IMMP2L: variants seen among roughly 807,000 people sequenced by gnomAD.
IMMP2L encodes the protein inner mitochondrial membrane peptidase subunit 2, also known as mitochondrial inner membrane protease subunit 2.
A neutral mutation model predicts 19.3 loss-of-function variants in IMMP2L; 18 were observed. The observed-to-expected ratio is 0.93, with a 90% CI of 0.64 to 1.38. The LOEUF (loss-of-function observed/expected upper bound fraction) is 1.38. Ranked by LOEUF, IMMP2L falls within the 40% of genes most tolerant of loss-of-function variation. IMMP2L has a pLI of 0.00. For synonymous variants in IMMP2L, 76 were observed against 73.0 expected (o/e 1.04, Z -0.21); for missense variants, 233 against 218.2 (o/e 1.07, Z -0.43).
intron 3 of IMMP2L, among the ~76,000 whole-genome samples, chr7:111,482,344 T>A (rs957482120): frequency 2.0e-5 from 3 of 152,138 alleles, no homozygotes; most frequent in South Asian, 2.1e-4. Context: ...AGCACAATGC[T>A]TACTTACAGG....
intron 3 of IMMP2L, among the ~76,000 whole-genome samples, chr7:111,100,949 A>G (rs1442659947): frequency 6.6e-6 from 1 of 151,578 alleles, no homozygotes; most frequent in Non-Finnish European, 1.5e-5. Flanking sequence ...ACTTTTAAAT[A>G]TCTTTCTATA....
intron 5 of IMMP2L, among the ~76,000 whole-genome samples, chr7:110,794,808 T>A (rs191870101): frequency 9.9e-5 from 15 of 152,182 alleles, no homozygotes; most frequent in African/African-American, 3.6e-4. Flanking sequence ...AACCCCTTCA[T>A]TAAATATAAA....
intron 2 of IMMP2L, among the ~76,000 whole-genome samples, chr7:111,498,789 T>C (rs995057481): frequency 4.0e-5 from 6 of 151,650 alleles, no homozygotes; most frequent in Admixed American, 3.9e-4. Flanking sequence ...AGGAAAAAAA[T>C]AAAAAAGAAC....
At chr7:111,086,672 G>A (rs1218895827) in intron 3 of IMMP2L, among the ~76,000 whole-genome samples, 1 of 152,150 alleles carries the variant, frequency 6.6e-6, no homozygotes, top group Non-Finnish European at 1.5e-5. Context: ...AGACCACAAA[G>A]GACAAAGTCA....
chr7:110,880,919 T>C (rs1482159835), intron 5 of IMMP2L, among the ~76,000 whole-genome samples: 2 of 152,238 alleles, frequency 1.3e-5, no homozygotes, highest in Non-Finnish European at 2.9e-5. Context: ...TGGAAAATGA[T>C]TTCTACACTA....
At chr7:110,826,049 A>G (rs1803461359) in intron 5 of IMMP2L, among the ~76,000 whole-genome samples, 1 of 152,232 alleles carries the variant, frequency 6.6e-6, no homozygotes, top group South Asian at 2.1e-4. Flanking sequence ...ACACTTCTCA[A>G]AAGAAGACAT....
chr7:111,487,266 C>T lies in IMMP2L; in HGVS notation c.211G>A (p.Val71Ile). Residue 71 changes from valine to isoleucine, a missense_variant, in exon 3 of 6, where the codon GTA (valine) becomes ATA (isoleucine). Physicochemically the swap from Val to Ile is conservative, Grantham distance 29. Coordinates refer to ENST00000405709, the MANE Select transcript of IMMP2L (RefSeq NM_032549.4). ...AATGATACAATGTCACCACGGTGTA[C>T]TTCAAAATTCCTCACTTTCCAGTGG... ...LNHWKVRNFE[V>I]HRGDIVSLVS... is the part of the protein sequence containing the mutation. 6.3e-7 allele frequency: 1 copy of T among 1,598,486 alleles called. No homozygotes were observed. The highest frequency in any genetic ancestry group is 8.6e-7 in the Non-Finnish European group (1 of 1,166,052).
chr7:111,223,394 T>C (rs1449904613), intron 3 of IMMP2L, among the ~76,000 whole-genome samples: 1 of 152,056 alleles, frequency 6.6e-6, no homozygotes, highest in East Asian at 1.9e-4. Flanking sequence ...TCTAACAAAT[T>C]AAGAAAAATT....
chr7:111,268,396 G>C (rs75674013), intron 3 of IMMP2L, among the ~76,000 whole-genome samples: 1 of 150,460 alleles, frequency 6.6e-6, no homozygotes, highest in Non-Finnish European at 1.5e-5. Context: ...CCAGGAACAG[G>C]CTTCAGCTAT....
chr7:111,314,706 T>A (rs1243370018), intron 3 of IMMP2L, among the ~76,000 whole-genome samples: 1 of 152,144 alleles, frequency 6.6e-6, no homozygotes, highest in Non-Finnish European at 1.5e-5. Flanking sequence ...TTCTAATCAA[T>A]CTATCAGTTA....
At chr7:110,901,052 C>A (rs1203062647) in intron 4 of IMMP2L, among the ~76,000 whole-genome samples, 1 of 151,920 alleles carries the variant, frequency 6.6e-6, no homozygotes, top group Non-Finnish European at 1.5e-5. Context: ...TATTTTCTAA[C>A]CTAATTTATG....
intron 3 of IMMP2L, among the ~76,000 whole-genome samples, chr7:111,414,433 G>C (rs1416445856): frequency 1.3e-5 from 2 of 151,872 alleles, no homozygotes; most frequent in African/African-American, 4.9e-5. Context: ...GCTACATATT[G>C]TATGATCCCA....
At chr7:111,328,863 T>C (rs538394062) in intron 3 of IMMP2L, among the ~76,000 whole-genome samples, 6 of 151,778 alleles carry the variant, frequency 4.0e-5, no homozygotes, top group Non-Finnish European at 8.8e-5. Flanking sequence ...CAGTCAATGA[T>C]GCACCACACT....
intron 3 of IMMP2L, among the ~76,000 whole-genome samples, chr7:111,065,336 T>C (rs2129574827): frequency 6.6e-6 from 1 of 152,342 alleles, no homozygotes; most frequent in Non-Finnish European, 1.5e-5. Flanking sequence ...ATAGCTATAT[T>C]ATGTTAGACA....
In IMMP2L at chr7:111,488,651, C is replaced by T. The variant is rs759969428; in HGVS notation, c.136-1310G>A. On this transcript the variant is annotated intron_variant, in intron 2 of 5. Transcript: ENST00000405709. ...TGCTATAAACGTGCGTGCAAGTACA[C>T]ATCTTTTTCATATAATGAGTTATTT... 4.6e-5 allele frequency among the ~76,000 whole-genome samples: 7 copies of T among 152,228 alleles called. No individual in the cohort carries two copies. The South Asian group carries it at 1.5e-3, about 32-fold the overall frequency.
chr7:111,136,964 A>C (rs1802406784), intron 3 of IMMP2L, among the ~76,000 whole-genome samples: 1 of 152,132 alleles, frequency 6.6e-6, no homozygotes, highest in Admixed American at 6.5e-5. Flanking sequence ...ATGTTAAACA[A>C]ATTGAAAGGT....
intron 4 of IMMP2L, among the ~76,000 whole-genome samples, chr7:110,954,664 G>C (rs900914724): frequency 6.6e-5 from 10 of 152,066 alleles, no homozygotes; most frequent in Admixed American, 2.0e-4. Flanking sequence ...ATTTGCCAAA[G>C]TGGCAAAGCT....
At chr7:111,272,052 G>A (rs1818524765) in intron 3 of IMMP2L, among the ~76,000 whole-genome samples, 1 of 152,124 alleles carries the variant, frequency 6.6e-6, no homozygotes, top group South Asian at 2.1e-4. Flanking sequence ...TCTGTTTTCT[G>A]TAATGCAGAC....
At chr7:111,144,560 C>A (rs188715080) in intron 3 of IMMP2L, among the ~76,000 whole-genome samples, 1 of 152,060 alleles carries the variant, frequency 6.6e-6, no homozygotes, top group Non-Finnish European at 1.5e-5. Context: ...GTTTTCACTT[C>A]TTTTTCCCCT....
Sources: gnomAD v4.1 joint callset for allele counts (sites outside exome capture counted in the v4.1 genomes callset) on GRCh38, gnomAD v4.1.1 for gene constraint, MANE v1.5 for transcripts, NCBI Gene and HGNC (gene_info 2026-07-23, HGNC 2026-07-21) for gene names.